PACRGL: variants seen among roughly 807,000 people sequenced by gnomAD.
PACRGL encodes PACRG-like protein.
Under a neutral mutation model 34.5 loss-of-function variants are expected in PACRGL, and 38 were observed. The observed-to-expected ratio is 1.10, with a 90% confidence interval of 0.85 to 1.44. PACRGL has a LOEUF of 1.44. PACRGL is among the 40% of genes most tolerant of loss of function. PACRGL has a pLI of 0.00. For missense variants in PACRGL, 305 were observed against 281.4 expected, an observed-to-expected ratio of 1.08 and a Z score of -0.60; for synonymous variants, 128 against 100.1, an observed-to-expected ratio of 1.28 and a Z score of -1.66.
the PACRGL span, chr4:20,759,003 C>A: frequency 2.8e-6 from 2 of 716,250 alleles, no homozygotes; most frequent in Non-Finnish European, 2.4e-6. Context: ...AGAAAATTAA[C>A]CATTCATCCA....
downstream of PACRGL, among the ~76,000 whole-genome samples, chr4:20,733,212 T>G (rs550391806): frequency 7.2e-5 from 11 of 152,204 alleles, no homozygotes; most frequent in Non-Finnish European, 1.2e-4. Flanking sequence ...TTAGAATTAG[T>G]GAAATTAATT....
intron 8 of PACRGL, among the ~76,000 whole-genome samples, chr4:20,741,284 C>T (rs548959848): frequency 8.4e-4 from 128 of 152,204 alleles, no homozygotes; most frequent in Non-Finnish European, 1.3e-3. Flanking sequence ...CTCAGCACTA[C>T]GTCACACTTA....
rs998600150 is a variant in PACRGL at position 20,732,318 on chromosome 4, C to T, written c.*4977C>T. 6.6e-6 allele frequency among the ~76,000 whole-genome samples: 1 copy of T among 152,140 alleles called. No individual in the cohort carries two copies. Among genetic ancestry groups the T allele is most frequent in the Non-Finnish European group, 1.5e-5 (1 of 68,026 alleles). On this transcript the variant is annotated 3_prime_UTR_variant, in exon 9 of 9. Transcript: ENST00000503585. ...CACTCTGTCCTAGGTAAAATCCCAC[C>T]TTCTAGATGTGACAGAGCTTGCGCA... is the stretch of plus-strand genomic sequence containing the variant.
In PACRGL at chr4:20,729,260, A is replaced by ATATGTCTGTAAACATCCTTGTTT. The variant is rs1328004131; in HGVS notation, c.*1921_*1943dup. ...GAGGATAGATATCCTGACCCTTTGCATATGTCTGTAAACATCCTTGTTTTG... is the reference window on the plus strand; with the variant it reads ...GAGGATAGATATCCTGACCCTTTGCATATGTCTGTAAACATCCTTGTTTTATGTCTGTAAACATCCTTGTTTTG... On this transcript the variant is annotated 3_prime_UTR_variant, in exon 9 of 9. Transcript: ENST00000503585. The ATATGTCTGTAAACATCCTTGTTT allele has an allele frequency of 4.6e-5, 7 of 152,206 alleles. No individual in the cohort carries two copies. The highest frequency in any genetic ancestry group is 7.4e-5 in the Non-Finnish European group (5 of 68,002). The allele number at this position is 152,206 out of a possible 1,614,324, so 9.4% of individuals were successfully genotyped here. A position where few individuals can be genotyped will look rare whatever the true frequency, so the allele number is the denominator to read the frequency against.
At position 20,731,674 on chromosome 4, in the gene PACRGL, T is replaced by C. The variant is rs781123363; in HGVS notation, c.*4333T>C. 6.1e-6 allele frequency: 6 copies of C among 985,158 alleles called. No individual in the cohort carries two copies. Among genetic ancestry groups the C allele is most frequent in the Non-Finnish European group, 7.2e-6 (6 of 829,754 alleles). 61.0% of individuals were successfully genotyped at this position (985,158 alleles called of 1,614,324 possible). ...GGAGATATGATAGATAATATATGAG[T>C]GATGCTAAGTTTTGGCAAAGAGCAA... is the stretch of plus-strand genomic sequence containing the variant. On this transcript the variant is annotated 3_prime_UTR_variant, in exon 9 of 9. Transcript: ENST00000503585.
the PACRGL span, among the ~76,000 whole-genome samples, chr4:20,760,452 C>A: frequency 5.3e-5 from 8 of 152,258 alleles, no homozygotes; most frequent in African/African-American, 1.9e-4. Flanking sequence ...TTTCTTTATT[C>A]CAGTGAGTCA....
downstream of PACRGL, chr4:20,732,733 T>C (rs990603456): frequency 1.2e-6 from 2 of 1,613,024 alleles, no homozygotes; most frequent in Non-Finnish European, 1.7e-6. Context: ...GAGGACAGGA[T>C]ATGTACATTT....
chr4:20,759,800 C>T, the PACRGL span, among the ~76,000 whole-genome samples: 1 of 152,198 alleles, frequency 6.6e-6, no homozygotes, highest in Non-Finnish European at 1.5e-5. Context: ...GGCGTAGAGG[C>T]CCCTTGAGTG....
the PACRGL span, among the ~76,000 whole-genome samples, chr4:20,761,967 A>G: frequency 6.6e-6 from 1 of 152,202 alleles, no homozygotes; most frequent in Non-Finnish European, 1.5e-5. Context: ...GACTGCTACA[A>G]TAAACCAGTC....
At position 20,748,604 on chromosome 4, in the gene PACRGL, ATTC is replaced by A. The variant is rs1560431306; in HGVS notation, c.*57-3960_*57-3958del. On this transcript the variant is annotated intron_variant, in intron 8 of 8. Coordinates refer to the PACRGL transcript ENST00000507634. ...TATATATATATATATATATATATAT[ATTC>A]CATAAGTAAATATAAATGTATATAT... 3.2e-3 allele frequency among the ~76,000 whole-genome samples: 377 copies of A among 119,190 alleles called. 7 individuals are homozygous for A. The East Asian group carries it at 0.052, about 16-fold the overall frequency. 78.2% of individuals were successfully genotyped at this position (119,190 alleles called of 152,430 possible).
At chr4:20,719,590 C>T (rs1288417953) in intron 7 of PACRGL, among the ~76,000 whole-genome samples, 1 of 152,160 alleles carries the variant, frequency 6.6e-6, no homozygotes, top group African/African-American at 2.4e-5. Flanking sequence ...ATTATGTATC[C>T]AGCAGTCATT....
In PACRGL at chr4:20,729,788, T is replaced by G. The variant is rs776664466; in HGVS notation, c.*2447T>G. The G allele has an allele frequency of 3.5e-6, 1 of 283,674 alleles. No homozygotes were observed. The highest frequency in any genetic ancestry group is 6.5e-6 in the Non-Finnish European group (1 of 153,416). 17.6% of individuals were successfully genotyped at this position (283,674 alleles called of 1,614,324 possible). On this transcript the variant is annotated 3_prime_UTR_variant, in exon 9 of 9. Transcript: ENST00000503585. ...CACTGATATGTGAAAGCCTCAATAA[T>G]CCCATGGCTAAGGAACCAATAAAAC... is the stretch of plus-strand genomic sequence containing the variant.
chr4:20,730,046 A>T lies in PACRGL; in HGVS notation c.*2705A>T, dbSNP rs1373342801. On this transcript the variant is annotated 3_prime_UTR_variant, in exon 9 of 9. Coordinates refer to ENST00000503585, the MANE Select transcript of PACRGL (RefSeq NM_001258345.3). ...AACTTTAAGGGTGGTAGAATAGTTC[A>T]CATTTGTCTGTTGGATTCAGGATCT... 2 of 1,594,362 alleles carry T rather than the reference A, an allele frequency of 1.3e-6. No homozygotes were observed. The highest frequency in any genetic ancestry group is 8.5e-7 in the Non-Finnish European group (1 of 1,172,492).
downstream of PACRGL, among the ~76,000 whole-genome samples, chr4:20,735,208 G>A (rs1375342576): frequency 2.0e-5 from 3 of 152,204 alleles, no homozygotes; most frequent in Non-Finnish European, 4.4e-5. Context: ...CATGTGGACA[G>A]TGGGTAAGAG....
chr4:20,756,187 T>C (rs1263623580), downstream of PACRGL, among the ~76,000 whole-genome samples: 2 of 143,786 alleles, frequency 1.4e-5, no homozygotes, highest in Non-Finnish European at 3.0e-5. Flanking sequence ...AAAAAAAAAG[T>C]GTTGGCAAGG....
chr4:20,756,104 A>G (rs1389163603), downstream of PACRGL, among the ~76,000 whole-genome samples: 1 of 152,074 alleles, frequency 6.6e-6, no homozygotes, highest in Non-Finnish European at 1.5e-5. Context: ...GAATCAGAGA[A>G]GTCAGTTTGG....
chr4:20,721,286 C>T (rs1349830718), intron 7 of PACRGL, among the ~76,000 whole-genome samples: 10 of 152,028 alleles, frequency 6.6e-5, no homozygotes, highest in East Asian at 3.9e-4. Flanking sequence ...TCCTTTTGCT[C>T]GCAAAAGTTT....
chr4:20,710,894 C>T (rs910259144), intron 5 of PACRGL, among the ~76,000 whole-genome samples: 2 of 151,960 alleles, frequency 1.3e-5, no homozygotes, highest in African/African-American at 4.8e-5. Flanking sequence ...TTGAGGTTGG[C>T]ATTAAAGGTT....
chr4:20,715,848 G>C (rs73240292), intron 7 of PACRGL, among the ~76,000 whole-genome samples: 26,024 of 151,964 alleles, frequency 0.17, 2,327 homozygotes, highest in Non-Finnish European at 0.21. Context: ...CTGGGTAACA[G>C]AGCGAGTCTG....
Sources: gnomAD v4.1 joint callset for allele counts (sites outside exome capture counted in the v4.1 genomes callset) on GRCh38, gnomAD v4.1.1 for gene constraint, MANE v1.5 for transcripts, NCBI Gene and HGNC (gene_info 2026-07-23, HGNC 2026-07-21) for gene names.